The following MIPOL1 variants were observed in gnomAD, a reference collection of about 807,000 sequenced individuals.
MIPOL1 encodes mirror-image polydactyly gene 1 protein.
Under a neutral mutation model 60.9 loss-of-function variants are expected in MIPOL1, and 57 were observed. The ratio of observed to expected loss-of-function variants is 0.94; its 90% CI spans 0.76 to 1.17. MIPOL1 has a LOEUF of 1.17. Among genes scored for constraint, MIPOL1 ranks in the 50% most tolerant of loss-of-function variants. The pLI is 0.00. For missense variants in MIPOL1, 551 were observed against 511.6 expected (o/e 1.08, Z -0.74); for synonymous variants, 179 against 168.8 (o/e 1.06, Z -0.47).
intron 12 of MIPOL1, among the ~76,000 whole-genome samples, chr14:37,534,876 AT>A (rs2095498936): frequency 6.6e-6 from 1 of 152,180 alleles, no homozygotes; most frequent in South Asian, 2.1e-4. Flanking sequence ...CAAAGCCTTA[AT>A]TAAGCCTTGG....
intron 10 of MIPOL1, among the ~76,000 whole-genome samples, chr14:37,403,632 G>T (rs1347952090): frequency 6.6e-6 from 1 of 151,498 alleles, no homozygotes; most frequent in African/African-American, 2.4e-5. Flanking sequence ...AACCTATGTA[G>T]TATTGCTTTA....
At chr14:37,527,282 A>G (rs1328236708) in intron 12 of MIPOL1, among the ~76,000 whole-genome samples, 3 of 151,872 alleles carry the variant, frequency 2.0e-5, no homozygotes, top group Non-Finnish European at 2.9e-5. Context: ...AAATTGTGGT[A>G]TTTTATGATA....
chr14:37,368,825 G>A (rs1034853564), intron 9 of MIPOL1, among the ~76,000 whole-genome samples: 1 of 151,822 alleles, frequency 6.6e-6, no homozygotes, highest in Admixed American at 6.6e-5. Context: ...TGCTTCTATT[G>A]GCTCATTGAA....
chr14:37,481,611 A>ACACACACACC (rs1216175293), intron 11 of MIPOL1, among the ~76,000 whole-genome samples: 1 of 142,412 alleles, frequency 7.0e-6, no homozygotes, highest in East Asian at 2.0e-4. Flanking sequence ...ACACACACAC[A>ACACACACACC]CCGAAACCAC....
chr14:37,258,923 A>G (rs1975419624), intron 3 of MIPOL1, among the ~76,000 whole-genome samples: 1 of 152,148 alleles, frequency 6.6e-6, no homozygotes, highest in African/African-American at 2.4e-5. Context: ...ATAAAATTTC[A>G]GTAAAAGAAT....
At chr14:37,349,170 G>A (rs2091166946) in intron 9 of MIPOL1, among the ~76,000 whole-genome samples, 1 of 151,584 alleles carries the variant, frequency 6.6e-6, no homozygotes, top group African/African-American at 2.4e-5. Context: ...TGTATTTTTG[G>A]TAGTGATGGG....
chr14:37,277,562 C>T (rs892418390), intron 6 of MIPOL1: 4 of 151,016 alleles, frequency 2.6e-5, no homozygotes, highest in African/African-American at 4.8e-5. Flanking sequence ...GTATAGTAAT[C>T]GAGGGTTTTT....
chr14:37,476,895 C>CTTTT (rs869027204), intron 11 of MIPOL1, among the ~76,000 whole-genome samples: 57 of 87,334 alleles, frequency 6.5e-4, no homozygotes, highest in Non-Finnish European at 8.2e-4. Flanking sequence ...CTTGTAATGT[C>CTTTT]TTTTTTTTTT....
chr14:37,207,249 G>A (rs1215398442), intron 1 of MIPOL1, among the ~76,000 whole-genome samples: 1 of 152,132 alleles, frequency 6.6e-6, no homozygotes, highest in East Asian at 1.9e-4. Flanking sequence ...GTCCAGGTGA[G>A]TTCTGATGGT....
chr14:37,480,121 T>G (rs925558694), intron 11 of MIPOL1, among the ~76,000 whole-genome samples: 1 of 152,042 alleles, frequency 6.6e-6, no homozygotes, highest in Non-Finnish European at 1.5e-5. Flanking sequence ...AATGAAGAAC[T>G]AATCCTTCTC....
chr14:37,396,535 G>A (rs1347584598), intron 10 of MIPOL1, among the ~76,000 whole-genome samples: 1 of 150,294 alleles, frequency 6.7e-6, no homozygotes, highest in Non-Finnish European at 1.5e-5. Flanking sequence ...GCAATGCTGA[G>A]GAAGTTTTCC....
At chr14:37,342,833 A>G (rs2090672043) in intron 9 of MIPOL1, among the ~76,000 whole-genome samples, 1 of 152,176 alleles carries the variant, frequency 6.6e-6, no homozygotes, top group South Asian at 2.1e-4. Context: ...AATAATTTTA[A>G]GTTCACTCAT....
At chr14:37,444,831 A>C (rs951686967) in intron 11 of MIPOL1, among the ~76,000 whole-genome samples, 3 of 152,206 alleles carry the variant, frequency 2.0e-5, no homozygotes, top group African/African-American at 7.2e-5. Context: ...AAACCACATG[A>C]TTATCTCAAT....
At chr14:37,523,688 T>C in intron 12 of MIPOL1, 1 of 339,926 alleles carries the variant, frequency 2.9e-6, no homozygotes, top group Non-Finnish European at 5.4e-6. Flanking sequence ...GGCACTGTGT[T>C]AGGCACTGAT....
chr14:37,331,489 T>C (rs2089677577), intron 9 of MIPOL1, among the ~76,000 whole-genome samples: 1 of 152,060 alleles, frequency 6.6e-6, no homozygotes, highest in Non-Finnish European at 1.5e-5. Flanking sequence ...TTTACTTCTT[T>C]GATTAAGTTT....
intron 9 of MIPOL1, among the ~76,000 whole-genome samples, chr14:37,321,669 A>T (rs2088589188): frequency 6.6e-6 from 1 of 151,954 alleles, no homozygotes; most frequent in African/African-American, 2.4e-5. Context: ...ATCAAGAGAG[A>T]TGTTTAAAGT....
At chr14:37,401,613 A>G (rs1304158198) in intron 10 of MIPOL1, 1 of 152,096 alleles carries the variant, frequency 6.6e-6, no homozygotes, top group Non-Finnish European at 1.5e-5. Context: ...TAGCCAAAAT[A>G]TCATTTATAG....
intron 10 of MIPOL1, chr14:37,400,126 A>T (rs568251944): frequency 6.6e-6 from 1 of 152,124 alleles, no homozygotes; most frequent in African/African-American, 2.4e-5. Context: ...AGTGGCATTA[A>T]TTAGGGCAGG....
intron 6 of MIPOL1, chr14:37,278,148 G>T (rs1027030237): frequency 6.6e-6 from 1 of 151,558 alleles, no homozygotes; most frequent in Non-Finnish European, 1.5e-5. Flanking sequence ...AGAAGTTCTG[G>T]AGTAATAAGT....
Sources: gnomAD v4.1 joint callset for allele counts (sites outside exome capture counted in the v4.1 genomes callset) on GRCh38, gnomAD v4.1.1 for gene constraint, MANE v1.5 for transcripts, NCBI Gene and HGNC (gene_info 2026-07-23, HGNC 2026-07-21) for gene names.